Variants in ADPRHL1 observed in about 807,000 individuals in gnomAD.
ADPRHL1 encodes the protein inactive ADP-ribosyltransferase ARH2.
ADPRHL1 carries 43 observed loss-of-function variants against 44.1 expected under a neutral mutation model. The observed-to-expected ratio is 0.98, with a 90% CI of 0.76 to 1.26. ADPRHL1 has a LOEUF of 1.26. Among genes scored for constraint, ADPRHL1 ranks in the 50% most tolerant of loss-of-function variants. The probability of loss-of-function intolerance (pLI) is 0.00; values close to 1 mark genes in which losing one functional copy is unlikely to be tolerated. For synonymous variants in ADPRHL1, 878 were observed against 1,017.4 expected (o/e 0.86, Z 2.61); for missense variants, 2,022 against 2,496.9 (o/e 0.81, Z 4.05).
chr13:113,404,949 G>A lies in ADPRHL1; in HGVS notation c.4333C>T (p.His1445Tyr). The change falls in exon 8 of 8, where the codon CAT becomes TAT. Residue 1445 changes from histidine to tyrosine, a missense_variant. Transcript: ENST00000612156. ...CGCTCCTCCCAGGGTCCCTGCAGATGCTGCTGACCTTGGTCACTGCGCTGG... is the reference window on the plus strand; with the variant it reads ...CGCTCCTCCCAGGGTCCCTGCAGATACTGCTGACCTTGGTCACTGCGCTGG... ...ACQRSDQGQQ[H>Y]LQGPWEERGR... is the part of the protein sequence containing the mutation. 8.1e-7 allele frequency: 1 copy of A among 1,238,166 alleles called. No individual in the cohort carries two copies. Among genetic ancestry groups the A allele is most frequent in the South Asian group, 3.9e-5 (1 of 25,436 alleles). The allele number at this position is 1,238,166 out of a possible 1,614,324, so 76.7% of individuals were successfully genotyped here. A position where few individuals can be genotyped will look rare whatever the true frequency, so the allele number is the denominator to read the frequency against.
Position 113,409,406 on chromosome 13 carries a change from G to A in ADPRHL1, c.1062-1186C>T, listed in dbSNP as rs549464157. ...CATCAGGGATGAGGAACAAAGACTC[G>A]AGTATTACAGGAAAAGTCGCCTTCA... On this transcript the variant is annotated intron_variant, in intron 7 of 7. Transcript: ENST00000612156. The surrounding 1 kb of genome is among the most constrained non-coding windows in gnomAD (Gnocchi z 4.2). 4.1e-6 allele frequency: 4 copies of A among 985,362 alleles called. No homozygotes were observed. Among genetic ancestry groups the A allele is most frequent in the South Asian group, 4.7e-5 (1 of 21,274 alleles). The allele number at this position is 985,362 out of a possible 1,614,324, so 61.0% of individuals were successfully genotyped here. A position where few individuals can be genotyped will look rare whatever the true frequency, so the allele number is the denominator to read the frequency against.
At chr13:113,433,653 C>G (rs2044023159) in intron 3 of ADPRHL1, 89 bp downstream of exon 3, 1 of 1,451,622 alleles carries the variant, frequency 6.9e-7, no homozygotes, top group African/African-American at 1.4e-5. Context: ...GGCCCCCGCC[C>G]CCCACCCCAC....
chr13:113,434,183 T>A (rs1200525772), intron 2 of ADPRHL1, among the ~76,000 whole-genome samples: 2 of 152,142 alleles, frequency 1.3e-5, no homozygotes, highest in Non-Finnish European at 2.9e-5. Flanking sequence ...CATTGAGTTA[T>A]AACTACATAC....
chr13:113,408,978 G>C (rs1373712107), intron 7 of ADPRHL1, among the ~76,000 whole-genome samples: 2 of 152,112 alleles, frequency 1.3e-5, no homozygotes, highest in Non-Finnish European at 1.5e-5. Context: ...GGGGGCTGCA[G>C]AGAGGAGGGA....
In ADPRHL1 at chr13:113,409,881, T is replaced by G; in HGVS notation, c.1062-1661A>C. On this transcript the variant is annotated intron_variant, in intron 7 of 7. Coordinates refer to ENST00000612156, the MANE Select transcript of ADPRHL1 (RefSeq NM_001394807.1). This position sits in a 1 kb window ranked among gnomAD's most constrained non-coding sequence, Gnocchi z 4.2. ...TCCAGCCTGAGCGACAGAGCGAGAC[T>G]CCGTCTCAAAAAAAAAAAAAAAAAA... The G allele has an allele frequency of 1.2e-6, 1 of 864,864 alleles. No individual in the cohort carries two copies. The highest frequency in any genetic ancestry group is 1.4e-4 in the East Asian group (1 of 7,292). The allele number at this position is 864,864 out of a possible 1,614,324, so 53.6% of individuals were successfully genotyped here. A position where few individuals can be genotyped will look rare whatever the true frequency, so the allele number is the denominator to read the frequency against.
At chr13:113,424,161 C>T in intron 6 of ADPRHL1, 56 bp downstream of exon 6, 2 of 1,602,764 alleles carry the variant, frequency 1.2e-6, no homozygotes, top group Non-Finnish European at 1.7e-6. Context: ...CGAGGGGGTG[C>T]TTCAGAAGAA....
At chr13:113,434,359 ATG>A (rs1566477277) in intron 2 of ADPRHL1, among the ~76,000 whole-genome samples, 8 of 109,122 alleles carry the variant, frequency 7.3e-5, no homozygotes, top group African/African-American at 3.0e-4. Context: ...CAGGTGCAGG[ATG>A]AACATAGGTG....
At chr13:113,422,770 A>C (rs1042748043) in intron 7 of ADPRHL1, 56 bp downstream of exon 7, 2 of 1,603,842 alleles carry the variant, frequency 1.2e-6, no homozygotes, top group South Asian at 2.2e-5. Context: ...AGAGGGCCCT[A>C]CGGGCCCCGG....
chr13:113,452,564 A>C (rs921543438), intron 1 of ADPRHL1, among the ~76,000 whole-genome samples: 7 of 152,232 alleles, frequency 4.6e-5, no homozygotes, highest in African/African-American at 1.4e-4. Flanking sequence ...CCTGAAATTC[A>C]TGCAAAAGCT....
In ADPRHL1 at chr13:113,407,746, G is replaced by A. The variant is rs1449954890; in HGVS notation, c.1536C>T (p.Ala512=). ...VKNILKIFLA[A]EEKEAKEKEA... ...CTTTCTCCTTCGCCTCCTTCTCCTCGGCGGCCAAGAATATCTTCAGGATGT... is the reference window on the plus strand; with the variant it reads ...CTTTCTCCTTCGCCTCCTTCTCCTCAGCGGCCAAGAATATCTTCAGGATGT... Residue 512 remains alanine (A), a synonymous_variant, in exon 8 of 8, where the codon GCC becomes GCT. Coordinates refer to ENST00000612156, the MANE Select transcript of ADPRHL1 (RefSeq NM_001394807.1). The A allele has an allele frequency of 4.1e-5, 50 of 1,231,956 alleles. No homozygotes were observed. In the East Asian group the frequency reaches 4.1e-4, roughly 10 times the overall value. 76.3% of individuals were successfully genotyped at this position (1,231,956 alleles called of 1,614,324 possible). A position where few individuals can be genotyped will look rare whatever the true frequency, so the allele number is the denominator to read the frequency against.
rs200501214 is a variant in ADPRHL1, at chr13:113,447,967, A to C, written c.215-3378T>G. Among the ~76,000 whole-genome samples the C allele has an allele frequency of 7.2e-5, 11 of 152,324 alleles. No homozygotes were observed. The East Asian group carries it at 1.9e-3, about 27-fold the overall frequency. Reference sequence around the variant, plus strand: ...CCTAAAAGGATTCATTTTATTCTGGAATTAGACATGAAATGTCTGTATTCA... The same window carrying C: ...CCTAAAAGGATTCATTTTATTCTGGCATTAGACATGAAATGTCTGTATTCA... On this transcript the variant is annotated intron_variant, in intron 1 of 7. Transcript: ENST00000612156.
chr13:113,404,925 G>C lies in ADPRHL1; in HGVS notation c.4357C>G (p.Arg1453Gly). The C allele has an allele frequency of 8.0e-7, 1 of 1,244,214 alleles. No homozygotes were observed. Among genetic ancestry groups the C allele is most frequent in the Non-Finnish European group, 1.0e-6 (1 of 996,262 alleles). The allele number at this position is 1,244,214 out of a possible 1,614,324, so 77.1% of individuals were successfully genotyped here. Reference protein sequence around the residue: ...QQHLQGPWEERGRSTAWGEGT... With the variant: ...QQHLQGPWEEGGRSTAWGEGT... ...TCTCCCCACGCCGTGCTCCGCCCCCGCTCCTCCCAGGGTCCCTGCAGATGC... is the reference window on the plus strand; with the variant it reads ...TCTCCCCACGCCGTGCTCCGCCCCCCCTCCTCCCAGGGTCCCTGCAGATGC... The change falls in exon 8 of 8, where the codon CGG becomes GGG. Residue 1453 changes from arginine (R) to glycine (G), a missense_variant. Physicochemically the swap from Arg to Gly is moderately radical, Grantham distance 125 (BLOSUM62 -2). Coordinates refer to ENST00000612156, the MANE Select transcript of ADPRHL1 (RefSeq NM_001394807.1).
chr13:113,407,702 G>A lies in ADPRHL1; in HGVS notation c.1580C>T (p.Pro527Leu), dbSNP rs998586706. 1.9e-5 allele frequency: 24 copies of A among 1,231,988 alleles called. No homozygotes were observed. The highest frequency in any genetic ancestry group is 2.2e-5 in the Non-Finnish European group (22 of 988,042). 76.3% of individuals were successfully genotyped at this position (1,231,988 alleles called of 1,614,324 possible). A position where few individuals can be genotyped will look rare whatever the true frequency, so the allele number is the denominator to read the frequency against. ...AKEKEAREKPPVERPKAARGL... is the reference protein window; with the variant it reads ...AKEKEAREKPLVERPKAARGL... ...CCTGGCGGCTTTGGGCCGCTCCACA[G>A]GGGGCTTCTCGCGTGCTTCTTTCTC... Residue 527 changes from proline to leucine, a missense_variant, in exon 8 of 8, where the codon CCT becomes CTT. Pro to Leu is a moderately conservative substitution (Grantham distance 98, BLOSUM62 -3). This residue lies in a region of ADPRHL1 where 1,221 missense variants were observed against 1,517.8 expected (regional missense o/e 0.80). Transcript: ENST00000612156.
intron 1 of ADPRHL1, among the ~76,000 whole-genome samples, chr13:113,445,530 T>C (rs776805781): frequency 9.9e-5 from 15 of 152,216 alleles, no homozygotes; most frequent in Non-Finnish European, 2.1e-4. Flanking sequence ...GTACTAAAAC[T>C]GCACTCTGGG....
At position 113,404,078 on chromosome 13, in the gene ADPRHL1, C is replaced by T. The variant is rs867770584; in HGVS notation, c.5204G>A (p.Arg1735Gln). 322 of 1,087,976 alleles carry T rather than the reference C, an allele frequency of 3.0e-4. 2 individuals are homozygous for T. The African/African-American group carries it at 8.3e-3, about 28-fold the overall frequency. The allele number at this position is 1,087,976 out of a possible 1,614,324, so 67.4% of individuals were successfully genotyped here. ...REQAQKGAQERAREQAQKGAQ... is the reference protein window; with the variant it reads ...REQAQKGAQEQAREQAQKGAQ... ...CCCTTTCTGGGCCTGTTCCCGAGCC[C>T]GTTCCTGAGCCCCTTTCTGGGCCTG... is the stretch of plus-strand genomic sequence containing the variant. The change falls in exon 8 of 8, where the codon CGG becomes CAG. Residue 1735 changes from arginine to glutamine, a missense_variant. Arg to Gln is a conservative substitution (Grantham distance 43). Coordinates refer to ENST00000612156, the MANE Select transcript of ADPRHL1 (RefSeq NM_001394807.1).
chr13:113,407,624 T>A lies in ADPRHL1; in HGVS notation c.1658A>T (p.Glu553Val). The change falls in exon 8 of 8, where the codon GAG (glutamate) becomes GTG (valine). Residue 553 changes from glutamate to valine, a missense_variant. Coordinates refer to ENST00000612156, the MANE Select transcript of ADPRHL1 (RefSeq NM_001394807.1). ...CAGGCAGCTGTTCTGCTCGAACTTC[T>A]CCCGCAGCTTGGACAGCACCGAGCT... ...GKSSVLSKLREKFEQNSCLCS... is the reference protein window; with the variant it reads ...GKSSVLSKLRVKFEQNSCLCS... 8.1e-7 allele frequency: 1 copy of A among 1,232,088 alleles called. No individual in the cohort carries two copies. The allele number at this position is 1,232,088 out of a possible 1,614,324, so 76.3% of individuals were successfully genotyped here. A position where few individuals can be genotyped will look rare whatever the true frequency, so the allele number is the denominator to read the frequency against.
At position 113,441,927 on chromosome 13, in the gene ADPRHL1, G is replaced by A. The variant is rs113376456; in HGVS notation, c.379+2498C>T. ...TCTCTATCACGCTTTACTCCACCGT[G>A]CTGGTCCGTGTCTCTGTCACGTTGT... On this transcript the variant is annotated intron_variant, in intron 2 of 7. Transcript: ENST00000612156. The surrounding 1 kb of genome is among the most constrained non-coding windows in gnomAD (Gnocchi z 6.0). Among the ~76,000 whole-genome samples the A allele has an allele frequency of 6.6e-6, 1 of 151,882 alleles. No homozygotes were observed. Among genetic ancestry groups the A allele is most frequent in the Admixed American group, 6.6e-5 (1 of 15,244 alleles).
rs2043989676 is a variant in ADPRHL1, at chr13:113,429,177, C to G, written c.506-85G>C. 3 of 1,521,082 alleles carry G rather than the reference C, an allele frequency of 2.0e-6. No individual in the cohort carries two copies. In the African/African-American group the frequency reaches 4.1e-5, roughly 21 times the overall value. The allele number at this position is 1,521,082 out of a possible 1,614,324, so 94.2% of individuals were successfully genotyped here. Reference sequence around the variant, plus strand: ...GCCGCCCGCCACGCTGCGTGGGACTCCCGAGGAAGGGTTTGCTCGTTTTCC... The same window carrying G: ...GCCGCCCGCCACGCTGCGTGGGACTGCCGAGGAAGGGTTTGCTCGTTTTCC... On this transcript the variant is annotated intron_variant, in intron 3 of 7. Transcript: ENST00000612156.
chr13:113,405,830 C>T lies in ADPRHL1; in HGVS notation c.3452G>A (p.Gly1151Glu). ...GTGGCTTTCGGACAAGGCTCTGCTT[C>T]CCCACTGGCCCAGCGTCTCTGGCTC... ...AGEPETLGQWGSRALSESHPR... is the reference protein window; with the variant it reads ...AGEPETLGQWESRALSESHPR... Residue 1151 changes from glycine (G) to glutamate (E), a missense_variant, in exon 8 of 8, where the codon GGA becomes GAA. Around this residue, in one of 8 missense-constraint regions of ADPRHL1, gnomAD observed 1,221 missense variants for 1,517.8 expected, o/e 0.80. Coordinates refer to ENST00000612156, the MANE Select transcript of ADPRHL1 (RefSeq NM_001394807.1). The T allele has an allele frequency of 3.2e-6, 4 of 1,231,868 alleles. No homozygotes were observed. The highest frequency in any genetic ancestry group is 4.0e-6 in the Non-Finnish European group (4 of 988,044). The allele number at this position is 1,231,868 out of a possible 1,614,324, so 76.3% of individuals were successfully genotyped here. A position where few individuals can be genotyped will look rare whatever the true frequency, so the allele number is the denominator to read the frequency against.
Sources: gnomAD v4.1 joint callset for allele counts (sites outside exome capture counted in the v4.1 genomes callset) on GRCh38, gnomAD v4.1.1 for gene constraint, gnomAD v4.1.1 regional missense constraint, Gnocchi (gnomAD v3.1) non-coding constraint, MANE v1.5 for transcripts, NCBI Gene and HGNC (gene_info 2026-07-23, HGNC 2026-07-21) for gene names.